Variants in GALNT13 observed in about 807,000 individuals in gnomAD.
The protein encoded by GALNT13 is UDP-GalNAc:polypeptide N-acetylgalactosaminyltransferase 13.
In GALNT13, 28 loss-of-function variants were observed where a neutral mutation model predicts 64.2. The observed-to-expected ratio is 0.44, with a 90% CI of 0.32 to 0.60. The LOEUF (loss-of-function observed/expected upper bound fraction) is 0.60. Ranked by LOEUF, GALNT13 falls within the 20% of genes least tolerant of loss-of-function variation. GALNT13 has a pLI of 0.05. For missense variants in GALNT13, 577 were observed against 669.8 expected (o/e 0.86, Z 1.53); for synonymous variants, 214 against 224.6 (o/e 0.95, Z 0.42).
At chr2:153,145,290 A>G in the GALNT13 span, among the ~76,000 whole-genome samples, 1 of 152,104 alleles carries the variant, frequency 6.6e-6, no homozygotes, top group Non-Finnish European at 1.5e-5. Context: ...AAATTTCCCA[A>G]TTACCTACTA....
intron 7 of GALNT13, among the ~76,000 whole-genome samples, chr2:154,252,407 G>A (rs1690118654): frequency 6.6e-6 from 1 of 150,482 alleles, no homozygotes; most frequent in Non-Finnish European, 1.5e-5. Flanking sequence ...CCAGGCTGGA[G>A]TTACAGTGGC....
chr2:153,921,278 A>C (rs764592986), intron 2 of GALNT13, among the ~76,000 whole-genome samples: 17 of 152,172 alleles, frequency 1.1e-4, no homozygotes, highest in Non-Finnish European at 2.5e-4. Context: ...TACACCATGA[A>C]ATACTATACG....
intron 3 of GALNT13, among the ~76,000 whole-genome samples, chr2:154,020,488 T>G (rs1362276926): frequency 1.3e-5 from 2 of 152,236 alleles, no homozygotes; most frequent in South Asian, 4.1e-4. Flanking sequence ...TTTGGCTGCA[T>G]AAATGTCTTC....
intron 3 of GALNT13, among the ~76,000 whole-genome samples, chr2:154,072,708 C>T (rs1236586878): frequency 1.3e-5 from 2 of 151,972 alleles, no homozygotes; most frequent in Non-Finnish European, 1.5e-5. Context: ...CTCCTTACAG[C>T]AACTGGTGGT....
intron 3 of GALNT13, among the ~76,000 whole-genome samples, chr2:154,074,675 G>C (rs1289241329): frequency 6.6e-6 from 1 of 151,860 alleles, no homozygotes; most frequent in Non-Finnish European, 1.5e-5. Flanking sequence ...GAACATAAAT[G>C]TAAAAATCCT....
At chr2:153,377,648 C>T in the GALNT13 span, among the ~76,000 whole-genome samples, 1 of 152,120 alleles carries the variant, frequency 6.6e-6, no homozygotes, top group African/African-American at 2.4e-5. Flanking sequence ...AGAAGATAAC[C>T]AGATGCCAGC....
At chr2:154,020,234 C>G (rs1267916541) in intron 3 of GALNT13, among the ~76,000 whole-genome samples, 3 of 152,232 alleles carry the variant, frequency 2.0e-5, no homozygotes, top group African/African-American at 4.8e-5. Flanking sequence ...ATGGCTGGGT[C>G]AAATGGTATT....
chr2:153,458,374 A>G, the GALNT13 span, among the ~76,000 whole-genome samples: 1 of 152,150 alleles, frequency 6.6e-6, no homozygotes, highest in Non-Finnish European at 1.5e-5. Flanking sequence ...TCGAGCTTCA[A>G]AGAGAGGCAG....
chr2:154,265,346 G>A (rs1472788672), intron 8 of GALNT13, among the ~76,000 whole-genome samples: 1 of 151,758 alleles, frequency 6.6e-6, no homozygotes, highest in Non-Finnish European at 1.5e-5. Context: ...TTTTACAAAG[G>A]AAACTCAATG....
the GALNT13 span, among the ~76,000 whole-genome samples, chr2:153,500,260 T>C: frequency 6.6e-6 from 1 of 152,124 alleles, no homozygotes; most frequent in Non-Finnish European, 1.5e-5. Flanking sequence ...CATGACCATT[T>C]GGAGTGTGAT....
chr2:154,133,842 T>G (rs910812376), intron 3 of GALNT13, among the ~76,000 whole-genome samples: 1 of 151,954 alleles, frequency 6.6e-6, no homozygotes, highest in Non-Finnish European at 1.5e-5. Context: ...AGACCCAAAA[T>G]TCTAATGGTT....
At chr2:154,272,501 T>C (rs1187025560) in intron 8 of GALNT13, among the ~76,000 whole-genome samples, 2 of 152,084 alleles carry the variant, frequency 1.3e-5, no homozygotes, top group Non-Finnish European at 2.9e-5. Context: ...TCCACGTGCA[T>C]GTTACCCTTA....
intron 3 of GALNT13, among the ~76,000 whole-genome samples, chr2:153,945,673 C>T (rs1382620960): frequency 6.6e-6 from 1 of 152,032 alleles, no homozygotes; most frequent in Non-Finnish European, 1.5e-5. Context: ...TTAACACTAT[C>T]AGGTTACATG....
the GALNT13 span, among the ~76,000 whole-genome samples, chr2:153,850,782 C>G: frequency 1.2e-4 from 19 of 152,080 alleles, no homozygotes; most frequent in Non-Finnish European, 2.1e-4. Flanking sequence ...AGATTAGCTG[C>G]AGACAATGTA....
At chr2:153,654,555 T>C in the GALNT13 span, among the ~76,000 whole-genome samples, 2 of 152,124 alleles carry the variant, frequency 1.3e-5, no homozygotes, top group African/African-American at 4.8e-5. Context: ...CTACCAGCAA[T>C]ACTTTAGTGT....
chr2:153,549,646 C>T, the GALNT13 span, among the ~76,000 whole-genome samples: 3 of 152,142 alleles, frequency 2.0e-5, no homozygotes, highest in Non-Finnish European at 4.4e-5. Context: ...AGGCCAAATA[C>T]AAGAATGGGC....
intron 3 of GALNT13, among the ~76,000 whole-genome samples, chr2:153,977,878 C>T (rs998223533): frequency 6.6e-6 from 1 of 152,048 alleles, no homozygotes; most frequent in African/African-American, 2.4e-5. Flanking sequence ...CTCATATCCA[C>T]TACCTATTGA....
the GALNT13 span, among the ~76,000 whole-genome samples, chr2:153,403,471 T>G: frequency 1.3e-5 from 2 of 152,170 alleles, no homozygotes; most frequent in African/African-American, 2.4e-5. Context: ...TCGAGCTTCC[T>G]GGCTGCTTTG....
the GALNT13 span, among the ~76,000 whole-genome samples, chr2:153,401,213 A>G: frequency 4.4e-3 from 662 of 152,170 alleles, 4 homozygotes; most frequent in African/African-American, 0.015. Flanking sequence ...CAGGTTGTTC[A>G]GTTTCCATGT....
Sources: allele counts gnomAD v4.1 joint callset (sites outside exome capture counted in the v4.1 genomes callset), GRCh38; gene constraint gnomAD v4.1.1; transcripts MANE v1.5; gene names NCBI Gene and HGNC (gene_info 2026-07-23, HGNC 2026-07-21).